GRIN2B: variants seen among roughly 807,000 people sequenced by gnomAD.
GRIN2B encodes glutamate ionotropic receptor NMDA type subunit 2B.
Under a neutral mutation model 114.5 loss-of-function variants are expected in GRIN2B, and 5 were observed. The observed-to-expected ratio is 0.04, with a 90% CI of 0.02 to 0.09. GRIN2B has a LOEUF of 0.09. Among genes scored for constraint, GRIN2B ranks in the 10% least tolerant of loss-of-function variants. GRIN2B has a pLI of 1.00. For synonymous variants in GRIN2B, 787 were observed against 745.1 expected (o/e 1.06, Z -0.92); for missense variants, 1,108 against 1,943.5 (o/e 0.57, Z 8.08).
chr12:13,541,462 G>T lies in GRIN2B; in HGVS notation c.*21321C>A, dbSNP rs116595730. 1 of 152,152 alleles carries T rather than the reference G, an allele frequency of 6.6e-6. No homozygotes were observed. Among genetic ancestry groups the T allele is most frequent in the Non-Finnish European group, 1.5e-5 (1 of 68,032 alleles). The allele number at this position is 152,152 out of a possible 1,614,324, so 9.4% of individuals were successfully genotyped here. A position where few individuals can be genotyped will look rare whatever the true frequency, so the allele number is the denominator to read the frequency against. ...GCACATCTTCCAAAGAGTGGATTCC[G>T]GGAGGTCAGAAAGCAAAGAGAGGTC... On this transcript the variant is annotated 3_prime_UTR_variant, in exon 14 of 14. Transcript: ENST00000609686.
chr12:13,883,166 A>G (rs530976678), intron 2 of GRIN2B, among the ~76,000 whole-genome samples: 3 of 152,330 alleles, frequency 2.0e-5, no homozygotes, highest in Admixed American at 2.0e-4. Context: ...GTTGATGGAC[A>G]TTAAGGGGTG....
intron 10 of GRIN2B, among the ~76,000 whole-genome samples, chr12:13,601,768 T>A (rs1254429358): frequency 6.6e-6 from 1 of 152,118 alleles, no homozygotes; most frequent in Non-Finnish European, 1.5e-5. Context: ...GAAGCCTTGC[T>A]AGGAACCCAG....
rs1186413230 is a variant in GRIN2B, at chr12:13,552,732, C to T, written c.*10051G>A. ...TATTAACTATTCTCATTTTCAGGAGCAAGGCTATCTAGACCCCATAGGACT... is the reference window on the plus strand; with the variant it reads ...TATTAACTATTCTCATTTTCAGGAGTAAGGCTATCTAGACCCCATAGGACT... On this transcript the variant is annotated 3_prime_UTR_variant, in exon 14 of 14. Coordinates refer to ENST00000609686, the MANE Select transcript of GRIN2B (RefSeq NM_000834.5). 6.6e-6 allele frequency: 1 copy of T among 152,040 alleles called. No homozygotes were observed. The highest frequency in any genetic ancestry group is 1.9e-4 in the East Asian group (1 of 5,180). 9.4% of individuals were successfully genotyped at this position (152,040 alleles called of 1,614,324 possible). A position where few individuals can be genotyped will look rare whatever the true frequency, so the allele number is the denominator to read the frequency against.
At chr12:13,693,669 A>G (rs1950233323) in intron 4 of GRIN2B, among the ~76,000 whole-genome samples, 1 of 152,172 alleles carries the variant, frequency 6.6e-6, no homozygotes, top group Non-Finnish European at 1.5e-5. Context: ...GCTTCATAGT[A>G]TGCATTTTAA....
chr12:13,653,541 G>C (rs1013453826), intron 5 of GRIN2B, among the ~76,000 whole-genome samples: 100 of 151,928 alleles, frequency 6.6e-4, no homozygotes, highest in African/African-American at 2.2e-3. Flanking sequence ...GGTAAGGGGA[G>C]GGGGAGTGAG....
chr12:13,706,008 C>T (rs1289631425), intron 4 of GRIN2B, among the ~76,000 whole-genome samples: 1 of 152,074 alleles, frequency 6.6e-6, no homozygotes. Flanking sequence ...AAGGAAGAAC[C>T]TCCCGGCTGA....
intron 5 of GRIN2B, among the ~76,000 whole-genome samples, chr12:13,637,282 T>TA (rs1252877754): frequency 1.3e-5 from 2 of 152,170 alleles, no homozygotes; most frequent in Non-Finnish European, 2.9e-5. Context: ...GGAATTAATC[T>TA]AGATGTAGGT....
chr12:13,691,937 C>T (rs1036622913), intron 4 of GRIN2B, among the ~76,000 whole-genome samples: 4 of 152,116 alleles, frequency 2.6e-5, no homozygotes, highest in African/African-American at 4.8e-5. Flanking sequence ...AACTCTTCTT[C>T]CCATTTGTTT....
rs376838693 is a variant in GRIN2B at position 13,827,316 on chromosome 12, T to A, written c.411+38482A>T. 2.7e-5 allele frequency among the ~76,000 whole-genome samples: 4 copies of A among 149,626 alleles called. No homozygotes were observed. In the East Asian group the frequency reaches 7.9e-4, roughly 30 times the overall value. The stretch of plus-strand genomic sequence containing the variant: ...TTTATCAATTGTTTTCACCAAATAA[T>A]TTCATATAGTTTTAATCAAATGTGG... On this transcript the variant is annotated intron_variant, in intron 3 of 13. Transcript: ENST00000609686.
intron 4 of GRIN2B, among the ~76,000 whole-genome samples, chr12:13,689,968 C>T (rs1244670625): frequency 6.7e-6 from 1 of 150,194 alleles, no homozygotes; most frequent in African/African-American, 2.5e-5. Context: ...CCTCTTCTCT[C>T]CTCTTGTCTT....
At chr12:13,729,481 T>C (rs982611065) in intron 4 of GRIN2B, among the ~76,000 whole-genome samples, 2 of 152,080 alleles carry the variant, frequency 1.3e-5, no homozygotes, top group Non-Finnish European at 2.9e-5. Flanking sequence ...AGCCTGTTCA[T>C]GGAGAGACAG....
chr12:13,761,462 GAGA>G (rs1313395267), intron 3 of GRIN2B, among the ~76,000 whole-genome samples: 8 of 152,154 alleles, frequency 5.3e-5, no homozygotes, highest in African/African-American at 7.2e-5. Flanking sequence ...GTAATAAGAG[GAGA>G]AGAAGGAACA....
intron 4 of GRIN2B, among the ~76,000 whole-genome samples, chr12:13,709,590 A>G (rs1413869811): frequency 6.6e-6 from 1 of 152,036 alleles, no homozygotes; most frequent in East Asian, 1.9e-4. Context: ...GGAAAGAGTC[A>G]GTTAACTTAC....
In GRIN2B at chr12:13,615,409, T is replaced by C. The variant is rs1313902288; in HGVS notation, c.1500+84A>G. 1 of 1,456,290 alleles carries C rather than the reference T, an allele frequency of 6.9e-7. No homozygotes were observed. Among genetic ancestry groups the C allele is most frequent in the African/African-American group, 1.4e-5 (1 of 71,928 alleles). The allele number at this position is 1,456,290 out of a possible 1,614,324, so 90.2% of individuals were successfully genotyped here. A position where few individuals can be genotyped will look rare whatever the true frequency, so the allele number is the denominator to read the frequency against. ...GCCATTTTATATTTTCTGAAATGCA[T>C]AAAGTGAGCACGTTTTAAACTTATA... On this transcript the variant is annotated intron_variant, in intron 7 of 13. Transcript: ENST00000609686. This position sits in a 1 kb window ranked among gnomAD's most constrained non-coding sequence, Gnocchi z 5.8.
chr12:13,844,677 T>C (rs1027904041), intron 3 of GRIN2B, among the ~76,000 whole-genome samples: 2 of 152,186 alleles, frequency 1.3e-5, no homozygotes. Flanking sequence ...TATTTCTCCA[T>C]CTTTGACATA....
At chr12:13,629,282 C>A (rs1409601674) in intron 5 of GRIN2B, among the ~76,000 whole-genome samples, 1 of 152,216 alleles carries the variant, frequency 6.6e-6, no homozygotes, top group Non-Finnish European at 1.5e-5. Flanking sequence ...ATATTCTAGA[C>A]TATAGGCTCC....
intron 2 of GRIN2B, among the ~76,000 whole-genome samples, chr12:13,942,233 G>A (rs867126085): frequency 3.9e-5 from 6 of 152,110 alleles, no homozygotes; most frequent in Admixed American, 3.9e-4. Context: ...GGGGTGGGGA[G>A]GACAGCCCAG....
chr12:13,703,060 C>T (rs73296383), intron 4 of GRIN2B, among the ~76,000 whole-genome samples: 3,275 of 152,202 alleles, frequency 0.022, 128 homozygotes, highest in African/African-American at 0.075. Context: ...TGCAAAGGTG[C>T]CATGTGGGTT....
chr12:13,708,542 G>A (rs1455177025), intron 4 of GRIN2B, among the ~76,000 whole-genome samples: 5 of 152,018 alleles, frequency 3.3e-5, no homozygotes, highest in Admixed American at 2.6e-4. Flanking sequence ...GGTTATTCTT[G>A]CTCCACATTT....
Sources: allele counts gnomAD v4.1 joint callset (sites outside exome capture counted in the v4.1 genomes callset), GRCh38; gene constraint gnomAD v4.1.1; non-coding constraint Gnocchi (gnomAD v3.1); transcripts MANE v1.5; gene names NCBI Gene and HGNC (gene_info 2026-07-23, HGNC 2026-07-21).